SLC22A11: variants seen among roughly 807,000 people sequenced by gnomAD.
SLC22A11 encodes the protein solute carrier family 22 member 11.
In SLC22A11, 42 loss-of-function variants were observed where a neutral mutation model predicts 49.4. The observed-to-expected ratio is 0.85, with a 90% CI of 0.66 to 1.10. The LOEUF is 1.10. Among genes scored for constraint, SLC22A11 ranks in the 50% least tolerant of loss-of-function variants. The pLI, the probability that SLC22A11 is intolerant of heterozygous loss-of-function variation, is 0.00. For synonymous variants in SLC22A11, 304 were observed against 315.8 expected (o/e 0.96, Z 0.40); for missense variants, 685 against 731.6 (o/e 0.94, Z 0.74).
Position 64,556,341 on chromosome 11 carries a change from G to A in SLC22A11, c.342G>A (p.Val114=), listed in dbSNP as rs764822155. ...SWSEADTEPC[V]DGWVYDRSVF... Reference sequence around the variant, plus strand: ...GCGAAGCTGACACGGAGCCGTGTGTGGACGGCTGGGTCTATGACCGCAGCG... The same window carrying A: ...GCGAAGCTGACACGGAGCCGTGTGTAGACGGCTGGGTCTATGACCGCAGCG... Residue 114 remains valine (V), a synonymous_variant, in exon 1 of 10, where the codon GTG becomes GTA. Transcript: ENST00000301891. 10 of 1,613,094 alleles carry A rather than the reference G, an allele frequency of 6.2e-6. No homozygotes were observed. In the South Asian group the frequency reaches 9.9e-5, roughly 16 times the overall value.
rs11231820 is a variant in SLC22A11 at position 64,556,090 on chromosome 11, A to G, written c.91A>G (p.Ile31Val). 1.6e-5 allele frequency: 26 copies of G among 1,613,892 alleles called. No homozygotes were observed. Among genetic ancestry groups the G allele is most frequent in the Middle Eastern group, 1.6e-4 (1 of 6,084 alleles). The change falls in exon 1 of 10, where the codon ATA (isoleucine) becomes GTA (valine). Residue 31 changes from isoleucine (I) to valine (V), a missense_variant. Coordinates refer to ENST00000301891, the MANE Select transcript of SLC22A11 (RefSeq NM_018484.4). Reference sequence around the variant, plus strand: ...CACCTTCATCCTCCCCTGCCTCATGATACCTTCCCAGATGCTCCTGGAGAA... The same window carrying G: ...CACCTTCATCCTCCCCTGCCTCATGGTACCTTCCCAGATGCTCCTGGAGAA... ...VLTFILPCLM[I>V]PSQMLLENFS...
chr11:64,560,301 G>A (rs145446802), intron 2 of SLC22A11, among the ~76,000 whole-genome samples: 1,705 of 151,900 alleles, frequency 0.011, 37 homozygotes, highest in Non-Finnish European at 0.012. Context: ...TGCAGTGGCC[G>A]TCCACGCTGC....
chr11:64,564,573 C>A lies in SLC22A11; in HGVS notation c.942+145C>A. On this transcript the variant is annotated intron_variant, in intron 5 of 9. Transcript: ENST00000301891. The surrounding 1 kb of genome is among the most constrained non-coding windows in gnomAD (Gnocchi z 4.2). ...ATCTCCACAGACACCACCAACACCT[C>A]CATCACCACCTCCACACAGACACCA... is the stretch of plus-strand genomic sequence containing the variant. The A allele has an allele frequency of 3.3e-6, 3 of 909,504 alleles. No homozygotes were observed. The highest frequency in any genetic ancestry group is 3.3e-6 in the Non-Finnish European group (2 of 600,730). The allele number at this position is 909,504 out of a possible 1,614,324, so 56.3% of individuals were successfully genotyped here.
chr11:64,568,412 G>T (rs1373698135), intron 7 of SLC22A11, among the ~76,000 whole-genome samples: 1 of 152,232 alleles, frequency 6.6e-6, no homozygotes, highest in Non-Finnish European at 1.5e-5. Flanking sequence ...TTTCAGTGCA[G>T]CCTCCACGGC....
At position 64,565,837 on chromosome 11, in the gene SLC22A11, G is replaced by T; in HGVS notation, c.1058+500G>T. On this transcript the variant is annotated intron_variant, in intron 6 of 9. Coordinates refer to ENST00000301891, the MANE Select transcript of SLC22A11 (RefSeq NM_018484.4). The surrounding 1 kb of genome is among the most constrained non-coding windows in gnomAD (Gnocchi z 4.1). Reference sequence around the variant, plus strand: ...GAACAAGCCCAAAATAATAGAGCCTGCATTGGAACCGGGCTGAGCTAACAC... The same window carrying T: ...GAACAAGCCCAAAATAATAGAGCCTTCATTGGAACCGGGCTGAGCTAACAC... 1 of 287,020 alleles carries T rather than the reference G, an allele frequency of 3.5e-6. No homozygotes were observed. The highest frequency in any genetic ancestry group is 3.5e-5 in the South Asian group (1 of 28,298). 17.8% of individuals were successfully genotyped at this position (287,020 alleles called of 1,614,324 possible). A position where few individuals can be genotyped will look rare whatever the true frequency, so the allele number is the denominator to read the frequency against.
At chr11:64,570,922 G>T in intron 9 of SLC22A11, 57 bp from the exon 10 acceptor site, 1 of 1,589,752 alleles carries the variant, frequency 6.3e-7, no homozygotes, top group South Asian at 1.1e-5. Flanking sequence ...TTTGCCCCAA[G>T]CTCCGAGTAC....
rs2038720366 is a variant in SLC22A11, at chr11:64,572,752, C to T, written c.*1710C>T. ...CTCACAATAAGGATCACACTTCTCC[C>T]CCTGCCTGGTCAGGCAGCCATGGGA... is the stretch of plus-strand genomic sequence containing the variant. On this transcript the variant is annotated 3_prime_UTR_variant, in exon 10 of 10. Transcript: ENST00000301891. 6.6e-6 allele frequency: 1 copy of T among 152,232 alleles called. No individual in the cohort carries two copies. Among genetic ancestry groups the T allele is most frequent in the South Asian group, 2.1e-4 (1 of 4,832 alleles). The allele number at this position is 152,232 out of a possible 1,614,324, so 9.4% of individuals were successfully genotyped here.
Position 64,562,161 on chromosome 11 carries a change from G to A in SLC22A11, c.652+3G>A, listed in dbSNP as rs778699540. ...CTTTCTGAGTTCACTGACACTGAGT[G>A]AGTCCCCGGCTCAGCGCGCTCCTGC... is the stretch of plus-strand genomic sequence containing the variant. On this transcript the variant is annotated splice_donor_region_variant and intron_variant, in intron 3 of 9. Transcript: ENST00000301891. This position sits in a 1 kb window ranked among gnomAD's most constrained non-coding sequence, Gnocchi z 4.4. 1.4e-5 allele frequency: 22 copies of A among 1,613,206 alleles called. No homozygotes were observed. The Admixed American group carries it at 3.3e-4, about 24-fold the overall frequency.
chr11:64,563,640 G>A (rs1043393182), intron 4 of SLC22A11, among the ~76,000 whole-genome samples: 2 of 59,198 alleles, frequency 3.4e-5, no homozygotes, highest in African/African-American at 9.5e-5. Context: ...AAAAAAAAAG[G>A]CCGGGCACAG....
chr11:64,562,819 G>T lies in SLC22A11; in HGVS notation c.821+384G>T, dbSNP rs1217619629. On this transcript the variant is annotated intron_variant, in intron 4 of 9. Transcript: ENST00000301891. The surrounding 1 kb of genome is among the most constrained non-coding windows in gnomAD (Gnocchi z 4.4). ...TCCAGGGGCACTGGGCTGAACTTCG[G>T]CCACAGTGGAAGCGGCCGCTCTCCC... is the stretch of plus-strand genomic sequence containing the variant. 6.6e-6 allele frequency among the ~76,000 whole-genome samples: 1 copy of T among 152,174 alleles called. No homozygotes were observed.
chr11:64,558,624 C>T (rs1472404642), intron 1 of SLC22A11, among the ~76,000 whole-genome samples: 7 of 152,180 alleles, frequency 4.6e-5, no homozygotes, highest in South Asian at 2.1e-4. Flanking sequence ...ATAGCCCAGC[C>T]GAGGCAGTGG....
chr11:64,558,000 G>A (rs1476750607), intron 1 of SLC22A11, among the ~76,000 whole-genome samples: 7 of 152,054 alleles, frequency 4.6e-5, no homozygotes, highest in South Asian at 4.2e-4. Context: ...GTTTCACCAC[G>A]TTGGTCAGGC....
intron 4 of SLC22A11, among the ~76,000 whole-genome samples, chr11:64,563,949 C>A (rs924474082): frequency 1.4e-4 from 22 of 152,020 alleles, no homozygotes; most frequent in Non-Finnish European, 2.9e-4. Context: ...CACCAAGTGA[C>A]CTTTCTATCC....
Position 64,565,271 on chromosome 11 carries a change from G to T in SLC22A11, c.992G>T (p.Arg331Leu), listed in dbSNP as rs201935541. 1.8e-5 allele frequency: 28 copies of T among 1,550,494 alleles called. No homozygotes were observed. The East Asian group carries it at 6.6e-4, about 36-fold the overall frequency. The change falls in exon 6 of 10, where the codon CGG becomes CTG. Residue 331 changes from arginine to leucine, a missense_variant. Coordinates refer to ENST00000301891, the MANE Select transcript of SLC22A11 (RefSeq NM_018484.4). The surrounding 1 kb of genome is among the most constrained non-coding windows in gnomAD (Gnocchi z 4.1). ...GAGGTGGCCTCTGCAAAGGAGCCGC[G>T]GTCGGTGCTGGACCTGTTCTGCGTG... The part of the protein sequence containing the change: ...KEEVASAKEP[R>L]SVLDLFCVPV...
At chr11:64,566,370 C>T (rs2038625412) in intron 6 of SLC22A11, 1 of 151,860 alleles carries the variant, frequency 6.6e-6, no homozygotes, top group Non-Finnish European at 1.5e-5. Context: ...ATGGCAAATA[C>T]TTGCTACATC....
chr11:64,563,857 A>C (rs1591374615), intron 4 of SLC22A11, among the ~76,000 whole-genome samples: 1 of 151,976 alleles, frequency 6.6e-6, no homozygotes, highest in South Asian at 2.1e-4. Flanking sequence ...TGGAGGTTGC[A>C]GTGAGCCAAG....
chr11:64,560,645 C>G (rs1393765508), intron 2 of SLC22A11, among the ~76,000 whole-genome samples: 1 of 152,232 alleles, frequency 6.6e-6, no homozygotes, highest in Non-Finnish European at 1.5e-5. Context: ...ATGACTGTCC[C>G]AGCCCCTCCT....
At chr11:64,561,008 G>C (rs1375361595) in intron 2 of SLC22A11, among the ~76,000 whole-genome samples, 1 of 152,218 alleles carries the variant, frequency 6.6e-6, no homozygotes, top group African/African-American at 2.4e-5. Flanking sequence ...CGCAGTTGTC[G>C]TGAGGATGAA....
At chr11:64,568,543 G>C (rs2038660482) in intron 7 of SLC22A11, 127 bp from the exon 8 acceptor site, 1 of 764,486 alleles carries the variant, frequency 1.3e-6, no homozygotes, top group Admixed American at 2.0e-5. Flanking sequence ...CCCGCACCAA[G>C]CCAGCAGGGC....
Sources: gnomAD v4.1 joint callset for allele counts (sites outside exome capture counted in the v4.1 genomes callset) on GRCh38, gnomAD v4.1.1 for gene constraint, Gnocchi (gnomAD v3.1) non-coding constraint, MANE v1.5 for transcripts, NCBI Gene and HGNC (gene_info 2026-07-23, HGNC 2026-07-21) for gene names.